TRPM3: variants seen among roughly 807,000 people sequenced by gnomAD.
TRPM3 encodes the protein transient receptor potential cation channel subfamily M member 3, also known as long transient receptor potential channel 3.
In TRPM3, 77 loss-of-function variants were observed where a neutral mutation model predicts 181.2. That is an observed-to-expected ratio of 0.42 (90% CI 0.35 to 0.51). The LOEUF is 0.51. TRPM3 is among the 20% of genes least tolerant of loss of function. TRPM3 has a pLI of 0.01. For synonymous variants in TRPM3, 745 were observed against 796.4 expected (o/e 0.94, Z 1.09); for missense variants, 1,759 against 2,196.7 (o/e 0.80, Z 3.98).
intron 21 of TRPM3, among the ~76,000 whole-genome samples, chr9:70,594,090 T>C (rs1000195189): frequency 7.1e-6 from 1 of 141,014 alleles, no homozygotes; most frequent in African/African-American, 2.6e-5. Context: ...GTAAAAATAA[T>C]TACAAAAACA....
At chr9:71,434,000 A>G (rs1047992863) in intron 1 of TRPM3, among the ~76,000 whole-genome samples, 8 of 152,020 alleles carry the variant, frequency 5.3e-5, no homozygotes, top group African/African-American at 1.9e-4. Flanking sequence ...TACTAAAAAT[A>G]CGAAAAAAAT....
chr9:70,903,607 GTTTA>G (rs1312790583), intron 1 of TRPM3, among the ~76,000 whole-genome samples: 2 of 151,976 alleles, frequency 1.3e-5, no homozygotes, highest in Non-Finnish European at 2.9e-5. Context: ...TTTTTGTTGA[GTTTA>G]TTTATCAAAA....
At chr9:71,123,944 G>A (rs1308790963), upstream of TRPM3, among the ~76,000 whole-genome samples, 1 of 152,120 alleles carries the variant, frequency 6.6e-6, no homozygotes, top group Non-Finnish European at 1.5e-5. Flanking sequence ...GAAAACACAT[G>A]GCCTTTGATC....
intron 1 of TRPM3, among the ~76,000 whole-genome samples, chr9:71,365,082 C>G (rs1373866638): frequency 2.0e-5 from 3 of 152,132 alleles, no homozygotes; most frequent in Non-Finnish European, 2.9e-5. Context: ...AGGAAATAAG[C>G]TAACTGACAA....
At chr9:71,363,837 G>C (rs996808467) in intron 1 of TRPM3, among the ~76,000 whole-genome samples, 1 of 152,098 alleles carries the variant, frequency 6.6e-6, no homozygotes, top group Non-Finnish European at 1.5e-5. Flanking sequence ...TACAAGTTCT[G>C]TAAGGGTAGA....
At chr9:70,960,601 G>C (rs1162831489) in intron 1 of TRPM3, among the ~76,000 whole-genome samples, 2 of 152,166 alleles carry the variant, frequency 1.3e-5, no homozygotes, top group Non-Finnish European at 2.9e-5. Context: ...AGGCAGGAAA[G>C]TCTGAGGCCT....
At chr9:71,279,088 G>A (rs1386260698) in intron 1 of TRPM3, among the ~76,000 whole-genome samples, 1 of 141,982 alleles carries the variant, frequency 7.0e-6, no homozygotes, top group Non-Finnish European at 1.5e-5. Flanking sequence ...GACCATTTAT[G>A]CTCATTTCTT....
At chr9:70,674,573 T>TGA (rs201213659) in intron 9 of TRPM3, among the ~76,000 whole-genome samples, 1 of 150,110 alleles carries the variant, frequency 6.7e-6, no homozygotes, top group Non-Finnish European at 1.5e-5. Flanking sequence ...ATTTTTTTTT[T>TGA]GAGAGAGATA....
intron 1 of TRPM3, among the ~76,000 whole-genome samples, chr9:71,148,745 G>C (rs1565277058): frequency 6.6e-6 from 1 of 152,178 alleles, no homozygotes; most frequent in Non-Finnish European, 1.5e-5. Flanking sequence ...AAAATTTCTT[G>C]AAAGTCATAG....
chr9:70,851,590 T>A (rs913351866), intron 3 of TRPM3, among the ~76,000 whole-genome samples: 1 of 152,218 alleles, frequency 6.6e-6, no homozygotes, highest in Non-Finnish European at 1.5e-5. Context: ...CTACTGAATA[T>A]GTTGAAATTC....
intron 1 of TRPM3, among the ~76,000 whole-genome samples, chr9:71,156,418 CACAA>C (rs1209432015): frequency 7.1e-6 from 1 of 140,270 alleles, no homozygotes; most frequent in African/African-American, 2.9e-5. Flanking sequence ...CACACACACA[CACAA>C]GGCTTATCAC....
intron 1 of TRPM3, among the ~76,000 whole-genome samples, chr9:70,962,187 G>A (rs1172167531): frequency 1.3e-5 from 2 of 152,084 alleles, no homozygotes; most frequent in East Asian, 1.9e-4. Context: ...TGGCCTCCAA[G>A]CTCCTGTTCA....
chr9:71,246,439 T>C (rs1019981497), intron 1 of TRPM3, among the ~76,000 whole-genome samples: 1 of 151,674 alleles, frequency 6.6e-6, no homozygotes, highest in Non-Finnish European at 1.5e-5. Flanking sequence ...TTAAGGTGTG[T>C]CCCCTTCACA....
At chr9:71,002,148 CTT>C (rs2134244607) in intron 1 of TRPM3, among the ~76,000 whole-genome samples, 1 of 152,294 alleles carries the variant, frequency 6.6e-6, no homozygotes, top group South Asian at 2.1e-4. Context: ...GCCATATTCT[CTT>C]TTTGTTTCTG....
At chr9:71,315,980 G>A (rs1037076375) in intron 1 of TRPM3, among the ~76,000 whole-genome samples, 6 of 152,076 alleles carry the variant, frequency 3.9e-5, no homozygotes, top group African/African-American at 1.4e-4. Context: ...AAGAAACTCT[G>A]GATTTAGAAA....
At chr9:71,441,779 C>T (rs914758868) in intron 1 of TRPM3, among the ~76,000 whole-genome samples, 1 of 151,918 alleles carries the variant, frequency 6.6e-6, no homozygotes, top group Non-Finnish European at 1.5e-5. Context: ...ACTACAGTCG[C>T]GCACTACCAC....
intron 1 of TRPM3, among the ~76,000 whole-genome samples, chr9:71,260,590 C>A (rs1161771422): frequency 6.6e-6 from 1 of 152,238 alleles, no homozygotes; most frequent in Admixed American, 6.5e-5. Flanking sequence ...TAAAGAGATC[C>A]TTCACATCCC....
intron 1 of TRPM3, among the ~76,000 whole-genome samples, chr9:70,990,746 AG>A (rs2097474300): frequency 6.6e-6 from 1 of 152,212 alleles, no homozygotes; most frequent in Non-Finnish European, 1.5e-5. Context: ...AATGCACAAA[AG>A]GGATGTTCCC....
chr9:70,589,929 C>T (rs547142998), intron 22 of TRPM3, among the ~76,000 whole-genome samples: 117 of 152,214 alleles, frequency 7.7e-4, no homozygotes, highest in African/African-American at 2.7e-3. Context: ...TCAGTCCTAC[C>T]GGGGATGGGC....
Sources: allele counts gnomAD v4.1 joint callset (sites outside exome capture counted in the v4.1 genomes callset), GRCh38; gene constraint gnomAD v4.1.1; transcripts MANE v1.5; gene names NCBI Gene and HGNC (gene_info 2026-07-23, HGNC 2026-07-21).